The following AHR variants were observed in gnomAD, a reference collection of about 807,000 sequenced individuals.
The protein encoded by AHR is AH-receptor.
Under a neutral mutation model 86.8 loss-of-function variants are expected in AHR, and 40 were observed. The observed-to-expected ratio is 0.46, with a 90% CI of 0.36 to 0.60. The LOEUF is 0.60. Among genes scored for constraint, AHR ranks in the 20% least tolerant of loss-of-function variants. The pLI is 0.00. For missense variants in AHR, 1,001 were observed against 1,011.6 expected, an observed-to-expected ratio of 0.99 and a Z score of 0.14; for synonymous variants, 398 against 354.9, an observed-to-expected ratio of 1.12 and a Z score of -1.37.
Position 17,310,136 on chromosome 7 carries a change from G to A in AHR, c.253+13G>A. 6.2e-7 allele frequency: 1 copy of A among 1,604,598 alleles called. No individual in the cohort carries two copies. Among genetic ancestry groups the A allele is most frequent in the Admixed American group, 1.7e-5 (1 of 59,908 alleles). ...AGCTTCTTTGATGGTAAGACAGAAG[G>A]GTTTAATTTGTCTACAATAACGTAT... On this transcript the variant is annotated intron_variant, in intron 2 of 10. Transcript: ENST00000242057.
chr7:17,342,636 G>T (rs1782438294), intron 10 of AHR, among the ~76,000 whole-genome samples: 1 of 151,976 alleles, frequency 6.6e-6, no homozygotes, highest in Non-Finnish European at 1.5e-5. Flanking sequence ...ATTCCTACCT[G>T]ACCCAAAGGC....
At chr7:17,334,437 G>T (rs576617398) in intron 7 of AHR, among the ~76,000 whole-genome samples, 2 of 152,048 alleles carry the variant, frequency 1.3e-5, no homozygotes, top group African/African-American at 4.8e-5. Flanking sequence ...AGAAGTTTTA[G>T]TAACTTTCAG....
At chr7:17,329,205 T>C (rs896562012) in intron 4 of AHR, among the ~76,000 whole-genome samples, 6 of 151,934 alleles carry the variant, frequency 3.9e-5, no homozygotes, top group Non-Finnish European at 8.8e-5. Flanking sequence ...AGACAGTGGA[T>C]CACTATCAAA....
In AHR at chr7:17,299,284, A is replaced by C; in HGVS notation, c.20A>C (p.Asn7Thr). The C allele has an allele frequency of 6.2e-7, 1 of 1,612,400 alleles. No individual in the cohort carries two copies. Among genetic ancestry groups the C allele is most frequent in the Non-Finnish European group, 8.5e-7 (1 of 1,179,694 alleles). The change falls in exon 1 of 11, where the codon AAC (asparagine) becomes ACC (threonine). Residue 7 changes from asparagine to threonine, a missense_variant. By Grantham distance (65) the Asn-to-Thr change is moderately conservative. Transcript: ENST00000242057. MNSSSA[N>T]ITYASRKRRK... ...GGCACCATGAACAGCAGCAGCGCCAACATCACCTACGCCAGTCGCAAGCGG... is the reference window on the plus strand; with the variant it reads ...GGCACCATGAACAGCAGCAGCGCCACCATCACCTACGCCAGTCGCAAGCGG...
rs754340551 is a variant in AHR at position 17,333,971 on chromosome 7, T to C, written c.765T>C (p.Asp255=). The C allele has an allele frequency of 1.2e-6, 2 of 1,613,534 alleles. No individual in the cohort carries two copies. The highest frequency in any genetic ancestry group is 1.1e-5 in the South Asian group (1 of 91,064). The change falls in exon 7 of 11, where the codon GAT becomes GAC. Residue 255 remains aspartate (D), a synonymous_variant. Coordinates refer to ENST00000242057, the MANE Select transcript of AHR (RefSeq NM_001621.5). ...YLHGQKKKGK[D]GSILPPQLAL... is the part of the protein sequence containing the mutation. ...ATGGACAGAAAAAGAAAGGGAAAGA[T>C]GGATCAATACTTCCACCTCAGTTGG...
In AHR at chr7:17,333,941, T is replaced by A; in HGVS notation, c.735T>A (p.Tyr245Ter). The change falls in exon 7 of 11, where the codon TAT becomes TAA. Residue 245 changes from tyrosine to a stop codon, truncating the protein, a stop_gained. Coordinates refer to ENST00000242057, the MANE Select transcript of AHR (RefSeq NM_001621.5). LOFTEE classifies it high-confidence loss of function. The part of the protein sequence containing the change: ...LAMNFQGKLK[Y>*]LHGQKKKGKD... ...TGAATTTCCAAGGGAAGTTAAAGTA[T>A]CTTCATGGACAGAAAAAGAAAGGGA... The A allele has an allele frequency of 6.2e-7, 1 of 1,613,264 alleles. No homozygotes were observed. The highest frequency in any genetic ancestry group is 8.5e-7 in the Non-Finnish European group (1 of 1,179,386).
intron 7 of AHR, 102 bp from the exon 8 acceptor site, chr7:17,334,785 C>T: frequency 1.3e-6 from 1 of 743,504 alleles, no homozygotes; most frequent in African/African-American, 1.8e-5. Context: ...TGAACTAAAA[C>T]ATATTGCAGA....
rs764790112 is a variant in AHR at position 17,330,053 on chromosome 7, A to C, written c.552A>C (p.Thr184=). Residue 184 remains threonine (T), a synonymous_variant, in exon 5 of 11, where the codon ACA becomes ACC. Transcript: ENST00000242057. ...LHWALNPSQC[T]ESGQGIEEAT... ...GGGCATTAAATCCTTCTCAGTGTAC[A>C]GAGTCTGGACAAGGAATTGAAGGTA... The C allele has an allele frequency of 2.5e-6, 4 of 1,610,714 alleles. No homozygotes were observed. The Admixed American group carries it at 6.7e-5, about 27-fold the overall frequency.
Position 17,322,645 on chromosome 7 carries a change from A to G in AHR, c.360+38A>G, listed in dbSNP as rs200876474. On this transcript the variant is annotated intron_variant, in intron 3 of 10. Transcript: ENST00000242057. ...AAATATAGTTTCTTACACTAAGGAC[A>G]GTTGTAAATGGAAAATGAATTAATA... 5.5e-6 allele frequency: 7 copies of G among 1,272,206 alleles called. No individual in the cohort carries two copies. The East Asian group carries it at 1.7e-4, about 30-fold the overall frequency. The allele number at this position is 1,272,206 out of a possible 1,614,324, so 78.8% of individuals were successfully genotyped here. A position where few individuals can be genotyped will look rare whatever the true frequency, so the allele number is the denominator to read the frequency against.
At chr7:17,336,656 T>C (rs1366342193) in intron 9 of AHR, among the ~76,000 whole-genome samples, 1 of 152,158 alleles carries the variant, frequency 6.6e-6, no homozygotes, top group Non-Finnish European at 1.5e-5. Flanking sequence ...TACTGAATCT[T>C]TGAGCCCATG....
In AHR at chr7:17,343,667, CT is replaced by C. The variant is rs1012227921; in HGVS notation, c.*608del. On this transcript the variant is annotated 3_prime_UTR_variant, in exon 11 of 11. Coordinates refer to ENST00000242057, the MANE Select transcript of AHR (RefSeq NM_001621.5). ...GGATGTATATTTTATATAAAGTATT[CT>C]TTTTCTTTTTTAAATTAATATCTTT... The C allele has an allele frequency of 6.6e-6, 1 of 152,272 alleles. No homozygotes were observed. The highest frequency in any genetic ancestry group is 6.6e-5 in the Admixed American group (1 of 15,258). The allele number at this position is 152,272 out of a possible 1,614,324, so 9.4% of individuals were successfully genotyped here.
rs73079679 is a variant in AHR at position 17,328,877 on chromosome 7, A to G, written c.450+1029A>G. Among the ~76,000 whole-genome samples the G allele has an allele frequency of 7.4e-3, 1,128 of 151,888 alleles. 5 individuals carry two copies. The highest frequency in any genetic ancestry group is 0.01 in the Non-Finnish European group (692 of 67,788). ...TAGGAAGATTTAAGTGTAGATGACT[A>G]AAGTAGTGGTATCTAGCTACTACTG... On this transcript the variant is annotated intron_variant, in intron 4 of 10. Transcript: ENST00000242057.
chr7:17,317,494 G>C (rs1307003105), intron 2 of AHR, among the ~76,000 whole-genome samples: 1 of 152,108 alleles, frequency 6.6e-6, no homozygotes, highest in East Asian at 1.9e-4. Context: ...TCCCGAAGAA[G>C]TTCACAATAA....
At position 17,298,659 on chromosome 7, in the gene AHR, G is replaced by A. The variant is rs34657853; in HGVS notation, c.-606G>A. ...CGCGCGGCGGCGGGAGGCAGTGGCT[G>A]GGGAGTCCCGTCGACGCTCTGTTCC... On this transcript the variant is annotated 5_prime_UTR_variant, in exon 1 of 11. Transcript: ENST00000242057. 4.8e-5 allele frequency: 19 copies of A among 393,948 alleles called. No homozygotes were observed. The highest frequency in any genetic ancestry group is 6.3e-5 in the Non-Finnish European group (14 of 223,734). The allele number at this position is 393,948 out of a possible 1,614,324, so 24.4% of individuals were successfully genotyped here. A position where few individuals can be genotyped will look rare whatever the true frequency, so the allele number is the denominator to read the frequency against.
At chr7:17,303,234 T>G (rs138799818) in intron 1 of AHR, among the ~76,000 whole-genome samples, 1 of 152,046 alleles carries the variant, frequency 6.6e-6, no homozygotes. Context: ...AAAGGTAGTA[T>G]TATTTAAGTT....
At position 17,343,059 on chromosome 7, in the gene AHR, C is replaced by G. The variant is rs1255881084; in HGVS notation, c.2542C>G (p.Leu848Val). ...PFPDLTSSGF[L>V] ...TCCTGATTTGACATCCAGTGGATTC[C>G]TGTAATTCCAAGCCCAATTTTGACC... The change falls in exon 11 of 11, where the codon CTG becomes GTG. Residue 848 changes from leucine (L) to valine (V), a missense_variant. Around this residue, in one of 2 missense-constraint regions of AHR, gnomAD observed 607 missense variants for 543.1 expected, o/e 1.12. Coordinates refer to ENST00000242057, the MANE Select transcript of AHR (RefSeq NM_001621.5). 1 of 1,613,576 alleles carries G rather than the reference C, an allele frequency of 6.2e-7. No individual in the cohort carries two copies. The highest frequency in any genetic ancestry group is 1.3e-5 in the African/African-American group (1 of 74,870).
At chr7:17,313,283 A>G (rs1782084272) in intron 2 of AHR, among the ~76,000 whole-genome samples, 5 of 152,188 alleles carry the variant, frequency 3.3e-5, no homozygotes, top group African/African-American at 7.2e-5. Flanking sequence ...AAACATGCTA[A>G]CAATGATTAG....
At chr7:17,299,539 C>G (rs574636687) in intron 1 of AHR, among the ~76,000 whole-genome samples, 9 of 152,360 alleles carry the variant, frequency 5.9e-5, no homozygotes, top group East Asian at 1.9e-4. Context: ...AAATTGTCCT[C>G]CCACCCATCC....
intron 2 of AHR, among the ~76,000 whole-genome samples, chr7:17,317,857 C>T (rs1190130578): frequency 6.6e-6 from 1 of 152,106 alleles, no homozygotes; most frequent in African/African-American, 2.4e-5. Context: ...AAGCTAAGTG[C>T]AACTCATTCC....
Sources: allele counts gnomAD v4.1 joint callset (sites outside exome capture counted in the v4.1 genomes callset), GRCh38; gene constraint gnomAD v4.1.1; regional missense constraint gnomAD v4.1.1; transcripts MANE v1.5; gene names NCBI Gene and HGNC (gene_info 2026-07-23, HGNC 2026-07-21).